The following EPB41 variants were observed in gnomAD, a reference collection of about 807,000 sequenced individuals.
EPB41 encodes protein 4.1.
EPB41 carries 65 observed loss-of-function variants against 108.0 expected under a neutral mutation model. That is an observed-to-expected ratio of 0.60 (90% CI 0.49 to 0.74). EPB41 has a LOEUF of 0.74. Ranked by LOEUF, EPB41 falls within the 30% of genes least tolerant of loss-of-function variation. The pLI, the probability that EPB41 is intolerant of heterozygous loss-of-function variation, is 0.00. For synonymous variants in EPB41, 336 were observed against 358.9 expected (o/e 0.94, Z 0.72); for missense variants, 875 against 1,037.0 (o/e 0.84, Z 2.15).
In EPB41 at chr1:29,108,888, G is replaced by GAAAA. The variant is rs35276284; in HGVS notation, c.2314-434_2314-431dup. On this transcript the variant is annotated intron_variant, in intron 17 of 20. Transcript: ENST00000343067. ...ATTTTATTTGTTAAGAGGTTACCCT[G>GAAAA]AAAAAAAAAAAAAAAAAGAGGTTAC... 4.2e-3 allele frequency among the ~76,000 whole-genome samples: 557 copies of GAAAA among 132,220 alleles called. 3 individuals carry two copies. Among genetic ancestry groups the GAAAA allele is most frequent in the African/African-American group, 0.015 (526 of 35,032 alleles). The allele number at this position is 132,220 out of a possible 152,430, so 86.7% of individuals were successfully genotyped here.
At chr1:28,933,269 A>G (rs2093838842) in intron 1 of EPB41, among the ~76,000 whole-genome samples, 1 of 152,230 alleles carries the variant, frequency 6.6e-6, no homozygotes, top group Non-Finnish European at 1.5e-5. Context: ...GAAGAGAGAA[A>G]TAAGTAAGAT....
chr1:28,890,080 C>T (rs1484381929), intron 1 of EPB41, among the ~76,000 whole-genome samples: 2 of 151,742 alleles, frequency 1.3e-5, no homozygotes, highest in African/African-American at 4.9e-5. Flanking sequence ...CTCTGTTGCC[C>T]AGGCTGGAGT....
At chr1:29,065,179 A>G (rs748872318) in intron 16 of EPB41, 21 bp downstream of exon 16, 2 of 1,547,552 alleles carry the variant, frequency 1.3e-6, no homozygotes, top group African/African-American at 1.4e-5. Context: ...TGTCCACATG[A>G]CCAATTGTGA....
chr1:28,919,084 CT>C (rs1220780969), intron 1 of EPB41, among the ~76,000 whole-genome samples: 1 of 152,168 alleles, frequency 6.6e-6, no homozygotes, highest in Non-Finnish European at 1.5e-5. Flanking sequence ...GAAAGGAGAA[CT>C]TTGATATTTT....
chr1:28,887,148 A>T, upstream of EPB41: 1 of 1,067,776 alleles, frequency 9.4e-7, no homozygotes, highest in Non-Finnish European at 1.3e-6. The surrounding 1 kb of genome is among the most constrained non-coding windows in gnomAD (Gnocchi z 4.9). Context: ...GGAACCTCTT[A>T]AAGGGCGAGA....
At chr1:29,026,383 G>A (rs1053332095) in intron 7 of EPB41, among the ~76,000 whole-genome samples, 3 of 152,096 alleles carry the variant, frequency 2.0e-5, no homozygotes, top group Admixed American at 6.5e-5. Flanking sequence ...TAGATAGGTA[G>A]ATATAGAAAT....
chr1:29,013,718 A>G (rs965708747), intron 5 of EPB41, among the ~76,000 whole-genome samples: 2 of 151,780 alleles, frequency 1.3e-5, no homozygotes, highest in Admixed American at 6.6e-5. Context: ...TAGTAGAGAC[A>G]GGGTTTCGCC....
chr1:29,054,548 A>C (rs868003034), intron 12 of EPB41: 5 of 151,026 alleles, frequency 3.3e-5, no homozygotes, highest in South Asian at 4.2e-4. Flanking sequence ...AAAAAAAAAA[A>C]AAAAAAAAAA....
At chr1:29,012,040 C>T (rs1251320762) in intron 5 of EPB41, 133 bp downstream of exon 5, 2 of 917,026 alleles carry the variant, frequency 2.2e-6, no homozygotes, top group South Asian at 3.1e-5. Flanking sequence ...CGAGATAAAG[C>T]CTTCTCCTGG....
At chr1:29,082,169 G>A (rs965980585) in intron 16 of EPB41, among the ~76,000 whole-genome samples, 3 of 152,116 alleles carry the variant, frequency 2.0e-5, no homozygotes, top group Admixed American at 6.5e-5. Context: ...CTGTCACCCC[G>A]GCTGGAGTGC....
In EPB41 at chr1:28,959,468, C is replaced by T. The variant is rs1022892681; in HGVS notation, c.-7-27963C>T. Among the ~76,000 whole-genome samples, 8 of 152,166 alleles carry T rather than the reference C, an allele frequency of 5.3e-5. No individual in the cohort carries two copies. The East Asian group carries it at 9.7e-4, about 18-fold the overall frequency. ...CTGACCTCAAGTAGTCCACCCGCCT[C>T]GGCCTCCTAAAATACTGGGATTACA... On this transcript the variant is annotated intron_variant, in intron 1 of 20. Coordinates refer to ENST00000343067, the MANE Select transcript of EPB41 (RefSeq NM_001376013.1).
At chr1:29,006,322 C>T (rs1053497575) in intron 4 of EPB41, among the ~76,000 whole-genome samples, 7 of 151,364 alleles carry the variant, frequency 4.6e-5, no homozygotes, top group South Asian at 2.1e-4. Context: ...CTGCAAGCTC[C>T]GCCTCCCGGG....
intron 3 of EPB41, among the ~76,000 whole-genome samples, chr1:28,995,426 G>A (rs2096145465): frequency 6.6e-6 from 1 of 152,202 alleles, no homozygotes. Flanking sequence ...GCTGGGTGTG[G>A]TGGCACGCAC....
chr1:28,959,413 C>T (rs545811229), intron 1 of EPB41, among the ~76,000 whole-genome samples: 6 of 151,996 alleles, frequency 3.9e-5, no homozygotes, highest in East Asian at 3.9e-4. Context: ...GATGGGTTTT[C>T]GCCATGTTGG....
chr1:29,060,513 T>C, intron 15 of EPB41, 29 bp downstream of exon 15: 3 of 1,593,272 alleles, frequency 1.9e-6, no homozygotes, highest in Non-Finnish European at 2.6e-6. Flanking sequence ...CTTATTTCAG[T>C]TGGTTGCCTG....
rs1436583799 is a variant in EPB41 at position 28,954,268 on chromosome 1, T to C, written c.-7-33163T>C. 2.0e-5 allele frequency among the ~76,000 whole-genome samples: 3 copies of C among 152,246 alleles called. No individual in the cohort carries two copies. In the East Asian group the frequency reaches 5.8e-4, roughly 29 times the overall value. ...TTTATACTGTGCTATTTATCATTGT[T>C]GTAGAGGGCAAAGTAAAAGAAAAGT... On this transcript the variant is annotated intron_variant, in intron 1 of 20. Coordinates refer to ENST00000343067, the MANE Select transcript of EPB41 (RefSeq NM_001376013.1).
At position 28,887,237 on chromosome 1, in the gene EPB41, C is replaced by G. The variant is rs1557595333; in HGVS notation, c.-8+27C>G. Reference sequence around the variant, plus strand: ...TGAGCCTGGACCACCTGGGGGGCGACCCTCGGTCCCCGGGAGGGACGGGGT... The same window carrying G: ...TGAGCCTGGACCACCTGGGGGGCGAGCCTCGGTCCCCGGGAGGGACGGGGT... On this transcript the variant is annotated intron_variant, in intron 1 of 16. Coordinates refer to the EPB41 transcript ENST00000347529. The surrounding 1 kb of genome is among the most constrained non-coding windows in gnomAD (Gnocchi z 4.9). 1 of 1,279,314 alleles carries G rather than the reference C, an allele frequency of 7.8e-7. No homozygotes were observed. The allele number at this position is 1,279,314 out of a possible 1,614,324, so 79.2% of individuals were successfully genotyped here. A position where few individuals can be genotyped will look rare whatever the true frequency, so the allele number is the denominator to read the frequency against.
At chr1:29,032,952 T>C in intron 8 of EPB41, 141 bp from the exon 9 acceptor site, 1 of 846,804 alleles carries the variant, frequency 1.2e-6, no homozygotes. Context: ...GTCCATAAAT[T>C]ATAACTGTTA....
intron 15 of EPB41, among the ~76,000 whole-genome samples, chr1:29,060,896 T>A (rs1048948435): frequency 1.7e-4 from 26 of 152,160 alleles, no homozygotes; most frequent in African/African-American, 6.3e-4. Flanking sequence ...GAATTCAGAA[T>A]GGACTTAAAA....
Sources: gnomAD v4.1 joint callset for allele counts (sites outside exome capture counted in the v4.1 genomes callset) on GRCh38, gnomAD v4.1.1 for gene constraint, Gnocchi (gnomAD v3.1) non-coding constraint, MANE v1.5 for transcripts, NCBI Gene and HGNC (gene_info 2026-07-23, HGNC 2026-07-21) for gene names.